FGD4: variants seen among roughly 807,000 people sequenced by gnomAD.
FGD4 encodes the protein FYVE, RhoGEF and PH domain containing 4.
In FGD4, 42 loss-of-function variants were observed where a neutral mutation model predicts 102.0. That is an observed-to-expected ratio of 0.41 (90% CI 0.32 to 0.53). FGD4 has a LOEUF of 0.53. FGD4 is among the 20% of genes least tolerant of loss of function. The pLI is 0.21. For synonymous variants in FGD4, 380 were observed against 375.7 expected (o/e 1.01, Z -0.13); for missense variants, 902 against 1,078.2 (o/e 0.84, Z 2.29).
In FGD4 at chr12:32,611,358, G is replaced by T. The variant is rs989564259; in HGVS notation, c.1749+75G>T. The stretch of plus-strand genomic sequence containing the variant: ...TGGCTGGGCACGGTGGCTCATGCCT[G>T]TAATCCCAGCACTTTGGGAGGCCGA... On this transcript the variant is annotated intron_variant, in intron 10 of 16. Transcript: ENST00000534526. 142 of 1,560,750 alleles carry T rather than the reference G, an allele frequency of 9.1e-5. 1 individual carries two copies. The highest frequency in any genetic ancestry group is 1.1e-4 in the Non-Finnish European group (130 of 1,136,966).
At chr12:32,616,717 T>C (rs1272904825) in intron 10 of FGD4, among the ~76,000 whole-genome samples, 3 of 152,248 alleles carry the variant, frequency 2.0e-5, no homozygotes, top group Non-Finnish European at 4.4e-5. Context: ...GAATCTGCTA[T>C]CTGCTTTTAA....
At chr12:32,570,259 A>AAG (rs1215588608) in intron 2 of FGD4, among the ~76,000 whole-genome samples, 8 of 150,710 alleles carry the variant, frequency 5.3e-5, no homozygotes, top group South Asian at 2.1e-4. Flanking sequence ...AAAAAAAAAA[A>AAG]AAAGAAATGC....
intron 1 of FGD4, among the ~76,000 whole-genome samples, chr12:32,556,577 C>T (rs527516346): frequency 4.0e-4 from 61 of 152,138 alleles, no homozygotes; most frequent in Non-Finnish European, 7.8e-4. Flanking sequence ...GAATTTCCTG[C>T]TGGGCGCAGT....
intron 1 of FGD4, among the ~76,000 whole-genome samples, chr12:32,559,445 A>G (rs1236365918): frequency 6.6e-6 from 1 of 152,132 alleles, no homozygotes; most frequent in African/African-American, 2.4e-5. Context: ...GTTTTTTTAA[A>G]CAAATGTTTA....
intron 1 of FGD4, among the ~76,000 whole-genome samples, chr12:32,527,576 C>T (rs1253099309): frequency 2.6e-5 from 4 of 152,074 alleles, no homozygotes; most frequent in Non-Finnish European, 4.4e-5. Context: ...ACTATAGGCA[C>T]GTGCCACCAT....
At chr12:32,620,520 C>CTTT (rs1233071153) in intron 11 of FGD4, among the ~76,000 whole-genome samples, 112 of 91,128 alleles carry the variant, frequency 1.2e-3, no homozygotes, top group East Asian at 3.8e-3. Context: ...TTTTTTCTTT[C>CTTT]TTTTTTTTTT....
chr12:32,565,511 A>G (rs1338159352), intron 2 of FGD4, among the ~76,000 whole-genome samples: 2 of 152,222 alleles, frequency 1.3e-5, no homozygotes, highest in South Asian at 2.1e-4. Context: ...CGAGTTGACA[A>G]AGATCCAGTG....
intron 1 of FGD4, among the ~76,000 whole-genome samples, chr12:32,452,107 T>C (rs958274884): frequency 6.6e-6 from 1 of 152,194 alleles, no homozygotes; most frequent in Non-Finnish European, 1.5e-5. Flanking sequence ...TTAAAAAGCA[T>C]GCTGACTTTA....
In FGD4 at chr12:32,599,534, CTTTTTTTTTTTT is replaced by C. The variant is rs764106230; in HGVS notation, c.1101+967_1101+978del. Among the ~76,000 whole-genome samples, 6 of 35,354 alleles carry C rather than the reference CTTTTTTTTTTTT, an allele frequency of 1.7e-4. 1 individual carries two copies. The highest frequency in any genetic ancestry group is 9.2e-4 in the East Asian group (1 of 1,084). 23.2% of individuals were successfully genotyped at this position (35,354 alleles called of 152,430 possible). ...GAATAACTTTTGAAAACTAAGGCAT[CTTTTTTTTTTTT>C]TTTTTTTTTTTTTTTTTTGGAGATG... is the stretch of plus-strand genomic sequence containing the variant. On this transcript the variant is annotated intron_variant, in intron 5 of 16. Coordinates refer to ENST00000534526, the MANE Select transcript of FGD4 (RefSeq NM_001370298.3).
rs869107334 is a variant in FGD4, at chr12:32,412,899, A to ATTTTTTTTTTTTTT, written c.166+12952_166+12965dup. 1.6e-4 allele frequency among the ~76,000 whole-genome samples: 14 copies of ATTTTTTTTTTTTTT among 87,018 alleles called. 2 individuals carry two copies. Among genetic ancestry groups the ATTTTTTTTTTTTTT allele is most frequent in the African/African-American group, 7.7e-4 (14 of 18,290 alleles). 57.1% of individuals were successfully genotyped at this position (87,018 alleles called of 152,430 possible). ...CTGTCCAGAGACCCCTTTTCTAGAA[A>ATTTTTTTTTTTTTT]TTTTTTTTTTTTTTTTTTTTTTTTT... On this transcript the variant is annotated intron_variant, in intron 1 of 16. Transcript: ENST00000534526.
At chr12:32,598,684 C>T in intron 5 of FGD4, 98 bp downstream of exon 5, 1 of 1,000,504 alleles carries the variant, frequency 1.0e-6, no homozygotes, top group Non-Finnish European at 1.6e-6. Flanking sequence ...AAGGAAGGGC[C>T]TGTTTTTGGC....
At chr12:32,477,483 A>G (rs1202882846) in intron 1 of FGD4, 1 of 152,366 alleles carries the variant, frequency 6.6e-6, no homozygotes, top group East Asian at 1.9e-4. Flanking sequence ...ATTGGAAGAA[A>G]TTTTAAATGG....
At chr12:32,572,071 CGTGT>C (rs145630990) in intron 2 of FGD4, among the ~76,000 whole-genome samples, 1 of 151,666 alleles carries the variant, frequency 6.6e-6, no homozygotes, top group Admixed American at 6.6e-5. Flanking sequence ...TGTGTGCGTG[CGTGT>C]GTGTATGTAT....
chr12:32,633,293 AG>A (rs1289260677), intron 14 of FGD4, among the ~76,000 whole-genome samples: 8 of 152,176 alleles, frequency 5.3e-5, no homozygotes, highest in African/African-American at 1.7e-4. Context: ...ATGAACATCC[AG>A]AAGTATGAAG....
At chr12:32,465,560 C>T (rs958382140) in intron 1 of FGD4, among the ~76,000 whole-genome samples, 12 of 151,952 alleles carry the variant, frequency 7.9e-5, no homozygotes, top group South Asian at 2.1e-4. Context: ...CCCAGCTACT[C>T]GGGAGGCTGA....
intron 2 of FGD4, among the ~76,000 whole-genome samples, chr12:32,573,196 C>T (rs780881554): frequency 6.6e-6 from 1 of 152,090 alleles, no homozygotes; most frequent in Non-Finnish European, 1.5e-5. Flanking sequence ...CCCGGGTTCA[C>T]GCCATTCTCC....
chr12:32,461,280 T>A (rs1205143271), intron 1 of FGD4, among the ~76,000 whole-genome samples: 4 of 152,172 alleles, frequency 2.6e-5, no homozygotes, highest in Non-Finnish European at 5.9e-5. Flanking sequence ...ATTTTCTGAT[T>A]TTTCTTTTTC....
intron 2 of FGD4, among the ~76,000 whole-genome samples, chr12:32,572,245 G>A (rs892755223): frequency 2.0e-5 from 3 of 152,170 alleles, no homozygotes; most frequent in Admixed American, 6.5e-5. Context: ...TCATATCCTA[G>A]CAGAATTGTA....
intron 1 of FGD4, chr12:32,501,989 G>T: frequency 3.1e-6 from 3 of 970,676 alleles, no homozygotes; most frequent in Non-Finnish European, 3.7e-6. Context: ...TGCTAGGCAA[G>T]CCCTGCGCAT....
Sources: allele counts gnomAD v4.1 joint callset (sites outside exome capture counted in the v4.1 genomes callset), GRCh38; gene constraint gnomAD v4.1.1; transcripts MANE v1.5; gene names NCBI Gene and HGNC (gene_info 2026-07-23, HGNC 2026-07-21).